The following TCF4 variants were observed in gnomAD, a reference collection of about 807,000 sequenced individuals.
TCF4 encodes transcription factor 4, also known as SL3-3 enhancer factor 2.
In TCF4, 3 loss-of-function variants were observed where a neutral mutation model predicts 82.1. The ratio of observed to expected loss-of-function variants is 0.04; its 90% confidence interval spans 0.02 to 0.09. The LOEUF is 0.09. TCF4 is among the 10% of genes least tolerant of loss of function. The pLI is 1.00. For synonymous variants in TCF4, 276 were observed against 309.6 expected (o/e 0.89, Z 1.14); for missense variants, 518 against 852.7 (o/e 0.61, Z 4.89).
rs529004457 is a variant in TCF4 at position 55,468,067 on chromosome 18, CT to C, written c.146-3931del. On this transcript the variant is annotated intron_variant, in intron 3 of 19. Transcript: ENST00000354452. ...TGTCTAACCAGCTGAACGTTCCCTC[CT>C]GTCACTTCTCCCCACGCAGAGTGAA... 7.7e-4 allele frequency among the ~76,000 whole-genome samples: 118 copies of C among 152,318 alleles called. 1 individual carries two copies. The highest frequency in any genetic ancestry group is 2.5e-3 in the African/African-American group (105 of 41,572).
chr18:55,509,599 A>G (rs2146253645), intron 3 of TCF4, among the ~76,000 whole-genome samples: 1 of 152,346 alleles, frequency 6.6e-6, no homozygotes, highest in African/African-American at 2.4e-5. Flanking sequence ...CATCAAGAGT[A>G]AAATGGCTAG....
chr18:55,589,839 C>A, upstream of TCF4: 6 of 1,004,406 alleles, frequency 6.0e-6, no homozygotes, highest in Non-Finnish European at 7.1e-6. Flanking sequence ...GCTGCTCCTC[C>A]AGACAATGAC....
At position 55,612,855 on chromosome 18, in the gene TCF4, C is replaced by T. The variant is rs142010018; in HGVS notation, c.286+18443G>A. 1.4e-3 allele frequency among the ~76,000 whole-genome samples: 206 copies of T among 151,974 alleles called. 1 individual carries two copies. Among genetic ancestry groups the T allele is most frequent in the African/African-American group, 4.8e-3 (198 of 41,458 alleles). ...CCCAGCTACTAGGGAGGCCGAGGCA[C>T]GAGAATCGCTTGAATTCAGGAGGCA... On this transcript the variant is annotated intron_variant, in intron 2 of 20. Coordinates refer to the TCF4 transcript ENST00000398339.
At chr18:55,631,527 C>A (rs999380831) in intron 1 of TCF4, 1 of 749,140 alleles carries the variant, frequency 1.3e-6, no homozygotes, top group Admixed American at 2.9e-5. Flanking sequence ...GACAAGTGCA[C>A]AGAAACTCTT....
chr18:55,314,410 G>T (rs1481791905), intron 8 of TCF4, among the ~76,000 whole-genome samples: 1 of 151,726 alleles, frequency 6.6e-6, no homozygotes. Context: ...AAAATAATGG[G>T]GTGCAGAATT....
chr18:55,407,605 C>T (rs561966639), intron 5 of TCF4, among the ~76,000 whole-genome samples: 1 of 150,408 alleles, frequency 6.6e-6, no homozygotes, highest in Non-Finnish European at 1.5e-5. Flanking sequence ...CTTCCCCTGG[C>T]CCAGAAAAAC....
At chr18:55,490,928 G>A (rs1262087899) in intron 3 of TCF4, among the ~76,000 whole-genome samples, 1 of 152,032 alleles carries the variant, frequency 6.6e-6, no homozygotes, top group African/African-American at 2.4e-5. Context: ...AGAAGATATT[G>A]GAACAGTATT....
intron 3 of TCF4, among the ~76,000 whole-genome samples, chr18:55,512,200 C>T (rs757687632): frequency 6.6e-6 from 1 of 152,126 alleles, no homozygotes; most frequent in Non-Finnish European, 1.5e-5. Context: ...ATCCTAATAA[C>T]ATCCTTGCAA....
chr18:55,602,915 A>C (rs562666700), intron 2 of TCF4, among the ~76,000 whole-genome samples: 2 of 152,292 alleles, frequency 1.3e-5, no homozygotes, highest in Admixed American at 1.3e-4. Flanking sequence ...CTAAAGGCAA[A>C]ATTTCCGCCC....
intron 8 of TCF4, among the ~76,000 whole-genome samples, chr18:55,282,821 A>T (rs1443333596): frequency 6.6e-6 from 1 of 152,116 alleles, no homozygotes; most frequent in Non-Finnish European, 1.5e-5. Flanking sequence ...AATGAGAAAC[A>T]AATATCTATC....
chr18:55,503,569 T>C (rs891236131), intron 3 of TCF4, among the ~76,000 whole-genome samples: 2 of 152,210 alleles, frequency 1.3e-5, no homozygotes, highest in Non-Finnish European at 2.9e-5. Context: ...CCTTGTGTTA[T>C]CCACGAATAA....
intron 8 of TCF4, among the ~76,000 whole-genome samples, chr18:55,327,520 C>A (rs2076766910): frequency 6.6e-6 from 1 of 151,830 alleles, no homozygotes; most frequent in Non-Finnish European, 1.5e-5. Context: ...TTAGTGACTT[C>A]CTATGTTATC....
rs922905122 is a variant in TCF4, at chr18:55,275,883, C to G, written c.656-131G>C. 11 of 1,133,196 alleles carry G rather than the reference C, an allele frequency of 9.7e-6. No individual in the cohort carries two copies. In the Admixed American group the frequency reaches 1.6e-4, roughly 17 times the overall value. 70.2% of individuals were successfully genotyped at this position (1,133,196 alleles called of 1,614,324 possible). A position where few individuals can be genotyped will look rare whatever the true frequency, so the allele number is the denominator to read the frequency against. ...CTTTGTGTTGGTTAGCTGATTACAT[C>G]AGAAGACAGTCATCATTTCTTCCCA... On this transcript the variant is annotated intron_variant, in intron 9 of 19. Coordinates refer to ENST00000354452, the MANE Select transcript of TCF4 (RefSeq NM_001083962.2).
chr18:55,601,922 C>G (rs553881961), intron 2 of TCF4, among the ~76,000 whole-genome samples: 1 of 152,172 alleles, frequency 6.6e-6, no homozygotes. Context: ...AGTCACCTGT[C>G]TAGTCATTAG....
intron 15 of TCF4, among the ~76,000 whole-genome samples, chr18:55,250,071 G>A (rs2054554253): frequency 6.6e-6 from 1 of 152,148 alleles, no homozygotes; most frequent in South Asian, 2.1e-4. Context: ...TTCTAACTAG[G>A]GTAGTGAAGA....
At chr18:55,290,249 G>C (rs1343974195) in intron 8 of TCF4, among the ~76,000 whole-genome samples, 1 of 152,122 alleles carries the variant, frequency 6.6e-6, no homozygotes, top group African/African-American at 2.4e-5. Context: ...CCTTAAGAAA[G>C]GACTTAAGCT....
chr18:55,347,562 C>A (rs1049333277), intron 8 of TCF4, among the ~76,000 whole-genome samples: 1 of 152,128 alleles, frequency 6.6e-6, no homozygotes, highest in African/African-American at 2.4e-5. Flanking sequence ...TCTGGCCAGG[C>A]CTACGTTTTC....
chr18:55,232,386 A>G (rs2048161082), intron 17 of TCF4, 123 bp downstream of exon 17: 2 of 1,091,254 alleles, frequency 1.8e-6, no homozygotes, highest in African/African-American at 3.1e-5. Context: ...GTAGGCCTTT[A>G]ATTTTCTTTT....
chr18:55,432,663 C>A (rs1884838506), intron 5 of TCF4, among the ~76,000 whole-genome samples: 1 of 152,234 alleles, frequency 6.6e-6, no homozygotes, highest in Admixed American at 6.5e-5. Flanking sequence ...CTCCACTGAA[C>A]ATACATGCTA....
Sources: allele counts gnomAD v4.1 joint callset (sites outside exome capture counted in the v4.1 genomes callset), GRCh38; gene constraint gnomAD v4.1.1; transcripts MANE v1.5; gene names NCBI Gene and HGNC (gene_info 2026-07-23, HGNC 2026-07-21).